The following BMPR2 variants were observed in gnomAD, a reference collection of about 807,000 sequenced individuals.
The protein encoded by BMPR2 is bone morphogenetic protein receptor type 2.
In BMPR2, 29 loss-of-function variants were observed where a neutral mutation model predicts 100.8. The ratio of observed to expected loss-of-function variants is 0.29; its 90% CI spans 0.21 to 0.39. BMPR2 has a LOEUF of 0.39. Among genes scored for constraint, BMPR2 ranks in the 10% least tolerant of loss-of-function variants. The probability of loss-of-function intolerance (pLI) is 1.00; values close to 1 mark genes in which losing one functional copy is unlikely to be tolerated. For missense variants in BMPR2, 1,011 were observed against 1,274.5 expected (o/e 0.79, Z 3.15); for synonymous variants, 382 against 442.3 (o/e 0.86, Z 1.71).
At chr2:202,493,191 A>T (rs1204771076) in intron 3 of BMPR2, among the ~76,000 whole-genome samples, 2 of 152,220 alleles carry the variant, frequency 1.3e-5, no homozygotes, top group Non-Finnish European at 2.9e-5. Context: ...TGTTTTAAAT[A>T]ATGACTATTA....
intron 5 of BMPR2, among the ~76,000 whole-genome samples, chr2:202,515,627 C>T (rs913535369): frequency 6.0e-5 from 9 of 150,692 alleles, no homozygotes; most frequent in Non-Finnish European, 8.9e-5. Context: ...CAGTGGCTCA[C>T]GCCTGTAATC....
Position 202,530,430 on chromosome 2 carries a change from G to T in BMPR2, c.968-364G>T, listed in dbSNP as rs145966774. 6.2e-3 allele frequency among the ~76,000 whole-genome samples: 939 copies of T among 151,942 alleles called. 8 individuals carry two copies. Among genetic ancestry groups the T allele is most frequent in the South Asian group, 0.021 (102 of 4,794 alleles). ...TTTGGAGCTCCATTAGTTTTTCACTGATACTTATTTTAGACAAGCAGACTT... is the reference window on the plus strand; with the variant it reads ...TTTGGAGCTCCATTAGTTTTTCACTTATACTTATTTTAGACAAGCAGACTT... On this transcript the variant is annotated intron_variant, in intron 7 of 12. Coordinates refer to ENST00000374580, the MANE Select transcript of BMPR2 (RefSeq NM_001204.7).
At position 202,458,806 on chromosome 2, in the gene BMPR2, A is replaced by G. The variant is rs548562437; in HGVS notation, c.77-6003A>G. On this transcript the variant is annotated intron_variant, in intron 1 of 12. Transcript: ENST00000374580. ...TAATTACAATTTTTATCCCTGCCAA[A>G]TCTTCCCTGTGTATAAATTGGTTAT... Among the ~76,000 whole-genome samples, 11 of 152,312 alleles carry G rather than the reference A, an allele frequency of 7.2e-5. 1 individual carries two copies. The South Asian group carries it at 2.3e-3, about 32-fold the overall frequency.
intron 1 of BMPR2, among the ~76,000 whole-genome samples, chr2:202,452,846 A>G (rs375252118): frequency 3.9e-5 from 6 of 152,222 alleles, no homozygotes; most frequent in African/African-American, 1.4e-4. Context: ...TGTGTGCATA[A>G]GTATAGAATG....
At chr2:202,504,271 TA>T (rs1687471285) in intron 3 of BMPR2, among the ~76,000 whole-genome samples, 1 of 152,158 alleles carries the variant, frequency 6.6e-6, no homozygotes, top group South Asian at 2.1e-4. Context: ...TAAATCTTGC[TA>T]CTGCTCACTC....
chr2:202,420,537 ATTTTTTT>A (rs10555458), intron 1 of BMPR2, among the ~76,000 whole-genome samples: 8 of 59,012 alleles, frequency 1.4e-4, no homozygotes, highest in African/African-American at 4.8e-4. Context: ...TAGAAGCATG[ATTTTTTT>A]TTTTTTTTTT....
chr2:202,501,929 G>C (rs1269756740), intron 3 of BMPR2, among the ~76,000 whole-genome samples: 2 of 152,182 alleles, frequency 1.3e-5, no homozygotes, highest in Admixed American at 1.3e-4. Context: ...AACTAATCCT[G>C]ACCTTAACCT....
At chr2:202,453,598 C>T (rs1159186526) in intron 1 of BMPR2, among the ~76,000 whole-genome samples, 1 of 151,754 alleles carries the variant, frequency 6.6e-6, no homozygotes. Context: ...TGTGGGAGCT[C>T]AAAATTAAAA....
chr2:202,400,536 A>G (rs1690750781), intron 1 of BMPR2, among the ~76,000 whole-genome samples: 2 of 152,180 alleles, frequency 1.3e-5, no homozygotes, highest in African/African-American at 4.8e-5. Context: ...TGAAAACTAA[A>G]TTCTTTTAAA....
chr2:202,390,701 C>T (rs1473226411), intron 1 of BMPR2, among the ~76,000 whole-genome samples: 1 of 152,022 alleles, frequency 6.6e-6, no homozygotes, highest in Non-Finnish European at 1.5e-5. Context: ...TTTGCCAGAG[C>T]AAAATAAATG....
At position 202,555,564 on chromosome 2, in the gene BMPR2, A is replaced by G. The variant is rs1574506690; in HGVS notation, c.1899A>G (p.Pro633=). The change falls in exon 12 of 13, where the codon CCA becomes CCG. Residue 633 remains proline, a synonymous_variant. Transcript: ENST00000374580. ...STGMTTISEM[P]YPDETNLHTT... is the part of the protein sequence containing the mutation. ...GCATGACTACTATATCTGAGATGCC[A>G]TACCCAGATGAAACAAATCTGCATA... is the stretch of plus-strand genomic sequence containing the variant. 3.7e-6 allele frequency: 6 copies of G among 1,614,088 alleles called. No homozygotes were observed. Among genetic ancestry groups the G allele is most frequent in the African/African-American group, 1.3e-5 (1 of 74,942 alleles).
At chr2:202,499,311 C>T (rs1343208542) in intron 3 of BMPR2, among the ~76,000 whole-genome samples, 3 of 152,154 alleles carry the variant, frequency 2.0e-5, no homozygotes, top group African/African-American at 7.2e-5. Flanking sequence ...AAGAATGCGG[C>T]TTTAGCTGCA....
At chr2:202,417,531 G>A (rs1403091375) in intron 1 of BMPR2, among the ~76,000 whole-genome samples, 1 of 150,972 alleles carries the variant, frequency 6.6e-6, no homozygotes, top group Non-Finnish European at 1.5e-5. Context: ...TCAAACTCCC[G>A]ACCTCAGGTG....
At chr2:202,543,007 C>T (rs753103712) in intron 10 of BMPR2, among the ~76,000 whole-genome samples, 4 of 151,344 alleles carry the variant, frequency 2.6e-5, no homozygotes, top group South Asian at 2.1e-4. Flanking sequence ...TGAAACCCCA[C>T]CTCTACTAAA....
chr2:202,442,033 C>T (rs544780445), intron 1 of BMPR2, among the ~76,000 whole-genome samples: 1 of 147,026 alleles, frequency 6.8e-6, no homozygotes, highest in South Asian at 2.1e-4. Flanking sequence ...GACTTTGTCT[C>T]TCAAAAAAAA....
At chr2:202,458,528 G>C (rs762198529) in intron 1 of BMPR2, among the ~76,000 whole-genome samples, 2 of 151,918 alleles carry the variant, frequency 1.3e-5, no homozygotes, top group Non-Finnish European at 2.9e-5. Context: ...ATCTTTGTTA[G>C]TGTGCTCAGT....
chr2:202,487,401 A>C (rs551966601), intron 3 of BMPR2, among the ~76,000 whole-genome samples: 1 of 152,350 alleles, frequency 6.6e-6, no homozygotes, highest in South Asian at 2.1e-4. Context: ...ATTTGAACAT[A>C]ATAATTTTCC....
At chr2:202,410,011 GTC>G (rs1275607568) in intron 1 of BMPR2, among the ~76,000 whole-genome samples, 6 of 151,674 alleles carry the variant, frequency 4.0e-5, no homozygotes, top group Non-Finnish European at 7.4e-5. Flanking sequence ...TTTTGACAGT[GTC>G]TCACCCTGTC....
chr2:202,492,343 A>AAG (rs1692919683), intron 3 of BMPR2, among the ~76,000 whole-genome samples: 1 of 152,020 alleles, frequency 6.6e-6, no homozygotes, highest in Admixed American at 6.5e-5. Flanking sequence ...TAATGCTTAT[A>AAG]CATTATACAC....
Sources: allele counts gnomAD v4.1 joint callset (sites outside exome capture counted in the v4.1 genomes callset), GRCh38; gene constraint gnomAD v4.1.1; transcripts MANE v1.5; gene names NCBI Gene and HGNC (gene_info 2026-07-23, HGNC 2026-07-21).